FOXK2: variants seen among roughly 807,000 people sequenced by gnomAD.
FOXK2 encodes forkhead box protein K2.
In FOXK2, 24 loss-of-function variants were observed where a neutral mutation model predicts 53.3. The ratio of observed to expected loss-of-function variants is 0.45; its 90% CI spans 0.33 to 0.63. The LOEUF (loss-of-function observed/expected upper bound fraction) is 0.63, where lower values mean the gene tolerates loss of function less well. FOXK2 is among the 30% of genes least tolerant of loss of function. The probability of loss-of-function intolerance (pLI) is 0.03; values close to 1 mark genes in which losing one functional copy is unlikely to be tolerated. For missense variants in FOXK2, 952 were observed against 910.5 expected, an observed-to-expected ratio of 1.05 and a Z score of -0.59; for synonymous variants, 505 against 407.1, an observed-to-expected ratio of 1.24 and a Z score of -2.89.
At chr17:82,541,278 T>TTG (rs1694202687) in intron 1 of FOXK2, among the ~76,000 whole-genome samples, 2 of 95,714 alleles carry the variant, frequency 2.1e-5, no homozygotes, top group African/African-American at 9.1e-5. Context: ...TGATTTACAG[T>TTG]TTTTTTTTTT....
In FOXK2 at chr17:82,587,138, C is replaced by T. The variant is rs779943455; in HGVS notation, c.1652C>T (p.Thr551Ile). Residue 551 changes from threonine (T) to isoleucine (I), a missense_variant, in exon 8 of 9, where the codon ACC becomes ATC. By Grantham distance (89) the Thr-to-Ile change is moderately conservative. Around this residue, in one of 5 missense-constraint regions of FOXK2, gnomAD observed 551 missense variants for 385.1 expected, o/e 1.43. Transcript: ENST00000335255. ...AGCCGGATCATTCAGACGGCACAGA[C>T]CACCCCGGTCCAGACGGTGACCATA... ...TASRIIQTAQ[T>I]TPVQTVTIVQ... is the part of the protein sequence containing the mutation. The T allele has an allele frequency of 1.9e-6, 3 of 1,613,132 alleles. No individual in the cohort carries two copies. Among genetic ancestry groups the T allele is most frequent in the Middle Eastern group, 1.6e-4 (1 of 6,062 alleles).
chr17:82,581,512 G>A lies in FOXK2; in HGVS notation c.910-1229G>A, dbSNP rs574099301. On this transcript the variant is annotated intron_variant, in intron 4 of 8. Transcript: ENST00000335255. ...TTTTTTTGAGATGGAGTCTTACTCTGTCGCCCAGGCTGGAGTGCAGTGGCG... is the reference window on the plus strand; with the variant it reads ...TTTTTTTGAGATGGAGTCTTACTCTATCGCCCAGGCTGGAGTGCAGTGGCG... 7.5e-4 allele frequency among the ~76,000 whole-genome samples: 104 copies of A among 137,792 alleles called. 1 individual carries two copies. The highest frequency in any genetic ancestry group is 3.9e-3 in the Middle Eastern group (1 of 256). The allele number at this position is 137,792 out of a possible 152,430, so 90.4% of individuals were successfully genotyped here.
chr17:82,561,905 TGG>T (rs10558425), intron 1 of FOXK2, among the ~76,000 whole-genome samples: 35,174 of 138,316 alleles, frequency 0.25, 4,554 homozygotes, highest in East Asian at 0.44. Flanking sequence ...CTTCCTCTGT[TGG>T]GGGGGGGGGG....
chr17:82,580,956 A>G (rs1199865078), intron 4 of FOXK2, among the ~76,000 whole-genome samples: 1 of 152,332 alleles, frequency 6.6e-6, no homozygotes, highest in East Asian at 1.9e-4. Context: ...AGCTCCATCC[A>G]CAGGGCCCAG....
chr17:82,579,414 C>CTA (rs1392703588), intron 4 of FOXK2, among the ~76,000 whole-genome samples: 1 of 152,214 alleles, frequency 6.6e-6, no homozygotes, highest in Admixed American at 6.5e-5. Flanking sequence ...ATGCCCTTAC[C>CTA]TATAAACAGT....
intron 4 of FOXK2, chr17:82,577,290 C>T (rs903307058): frequency 2.5e-5 from 30 of 1,210,424 alleles, no homozygotes; most frequent in South Asian, 3.7e-5. Flanking sequence ...AACTGGAACT[C>T]GTTATCCATG....
intron 1 of FOXK2, among the ~76,000 whole-genome samples, chr17:82,521,587 G>T (rs201345176): frequency 1.3e-5 from 2 of 151,762 alleles, no homozygotes; most frequent in East Asian, 3.9e-4. Context: ...TTCTTAGCAT[G>T]GAAAGGTGCA....
chr17:82,594,318 G>A (rs35097556), intron 8 of FOXK2, among the ~76,000 whole-genome samples: 2,526 of 152,256 alleles, frequency 0.017, 37 homozygotes, highest in African/African-American at 0.03. Context: ...CTAACACGGT[G>A]AAACCCTGTC....
rs940606582 is a variant in FOXK2, at chr17:82,601,492, A to G, written c.1976A>G (p.Gln659Arg). The change falls in exon 9 of 9, where the codon CAG (glutamine) becomes CGG (arginine). Residue 659 changes from glutamine (Q) to arginine (R), a missense_variant. By Grantham distance (43) the Gln-to-Arg change is conservative. Transcript: ENST00000335255. ...GCAGCCGTAAGGGAAAAGGGTGTCCAGAACTAGCGACCGGGAGAGCTTTTC... is the reference window on the plus strand; with the variant it reads ...GCAGCCGTAAGGGAAAAGGGTGTCCGGAACTAGCGACCGGGAGAGCTTTTC... ...PPAAVREKGV[Q>R]N The G allele has an allele frequency of 6.9e-6, 11 of 1,600,986 alleles. No individual in the cohort carries two copies. Among genetic ancestry groups the G allele is most frequent in the Non-Finnish European group, 9.4e-6 (11 of 1,171,854 alleles).
intron 8 of FOXK2, among the ~76,000 whole-genome samples, chr17:82,595,385 T>G (rs1052126609): frequency 6.6e-6 from 1 of 152,188 alleles, no homozygotes; most frequent in Non-Finnish European, 1.5e-5. Context: ...CAGTGCAGCC[T>G]TGAACTCGTG....
At chr17:82,581,526 A>G (rs1471795039) in intron 4 of FOXK2, among the ~76,000 whole-genome samples, 1 of 143,812 alleles carries the variant, frequency 7.0e-6, no homozygotes, top group Non-Finnish European at 1.5e-5. Flanking sequence ...CCCAGGCTGG[A>G]GTGCAGTGGC....
chr17:82,539,770 G>A (rs2044557156), intron 1 of FOXK2, among the ~76,000 whole-genome samples: 2 of 151,970 alleles, frequency 1.3e-5, no homozygotes. Context: ...TTCGAGACCA[G>A]GCTGGCCAAC....
At chr17:82,598,604 A>G (rs1170414131) in intron 8 of FOXK2, among the ~76,000 whole-genome samples, 1 of 152,032 alleles carries the variant, frequency 6.6e-6, no homozygotes. Context: ...AGGCATATTC[A>G]CCCTTTTAGA....
chr17:82,536,213 C>A (rs2044519238), intron 1 of FOXK2, among the ~76,000 whole-genome samples: 1 of 152,140 alleles, frequency 6.6e-6, no homozygotes, highest in Non-Finnish European at 1.5e-5. Flanking sequence ...ATATTTAAGG[C>A]AGTTGTTTCA....
intron 1 of FOXK2, among the ~76,000 whole-genome samples, chr17:82,523,816 TTGA>T (rs1458793323): frequency 3.3e-5 from 5 of 152,018 alleles, no homozygotes; most frequent in Non-Finnish European, 1.5e-5. Flanking sequence ...AGTGTTCAGG[TTGA>T]TGATACAAGT....
intron 4 of FOXK2, chr17:82,576,517 C>A: frequency 1.7e-6 from 1 of 595,578 alleles, no homozygotes; most frequent in South Asian, 2.0e-5. Flanking sequence ...AAAACAGAGT[C>A]AGTCTTTTTC....
rs1004829003 is a variant in FOXK2 at position 82,603,969 on chromosome 17, A to C, written c.*2470A>C. The C allele has an allele frequency of 2.6e-5, 4 of 152,206 alleles. No individual in the cohort carries two copies. The highest frequency in any genetic ancestry group is 5.9e-5 in the Non-Finnish European group (4 of 68,054). The allele number at this position is 152,206 out of a possible 1,614,324, so 9.4% of individuals were successfully genotyped here. A position where few individuals can be genotyped will look rare whatever the true frequency, so the allele number is the denominator to read the frequency against. On this transcript the variant is annotated 3_prime_UTR_variant, in exon 9 of 9. Coordinates refer to ENST00000335255, the MANE Select transcript of FOXK2 (RefSeq NM_004514.4). ...GGCACTGTTTCTAAATTTTGAACTT[A>C]GCTCTGAATCCCCAAGAACTTGAGC...
chr17:82,526,446 GGGACCTTGTAA>G (rs1236098163), intron 1 of FOXK2, among the ~76,000 whole-genome samples: 1 of 152,180 alleles, frequency 6.6e-6, no homozygotes, highest in African/African-American at 2.4e-5. Flanking sequence ...ATGTAAAGTG[GGGACCTTGTAA>G]GGAGAGCAGA....
chr17:82,588,426 T>G (rs8073994), intron 8 of FOXK2: 6,720 of 150,524 alleles, frequency 0.045, 202 homozygotes, highest in Non-Finnish European at 0.064. Flanking sequence ...GAGGGCTGGC[T>G]ATTGGAGGGC....
Sources: gnomAD v4.1 joint callset for allele counts (sites outside exome capture counted in the v4.1 genomes callset) on GRCh38, gnomAD v4.1.1 for gene constraint, gnomAD v4.1.1 regional missense constraint, MANE v1.5 for transcripts, NCBI Gene and HGNC (gene_info 2026-07-23, HGNC 2026-07-21) for gene names.